Variants in ZC3H18 observed in about 807,000 individuals in gnomAD.
ZC3H18 encodes the protein zinc finger CCCH domain-containing protein 18.
In ZC3H18, 8 loss-of-function variants were observed where a neutral mutation model predicts 106.1. The observed-to-expected ratio is 0.08, with a 90% CI of 0.04 to 0.14. The LOEUF (loss-of-function observed/expected upper bound fraction) is 0.14. Among genes scored for constraint, ZC3H18 ranks in the 10% least tolerant of loss-of-function variants. ZC3H18 has a pLI of 1.00. For missense variants in ZC3H18, 1,318 were observed against 1,278.4 expected (o/e 1.03, Z -0.47); for synonymous variants, 635 against 522.1 (o/e 1.22, Z -2.95).
At chr16:88,578,462 T>TCA (rs1336543054) in intron 2 of ZC3H18, among the ~76,000 whole-genome samples, 3 of 152,020 alleles carry the variant, frequency 2.0e-5, no homozygotes, top group Non-Finnish European at 4.4e-5. Context: ...TCCTGAGTGA[T>TCA]ACTTGCCGGA....
intron 8 of ZC3H18, among the ~76,000 whole-genome samples, chr16:88,614,088 TC>T (rs1905430241): frequency 6.6e-6 from 1 of 152,246 alleles, no homozygotes; most frequent in South Asian, 2.1e-4. Context: ...CTGCAGGACT[TC>T]CCAGTCAGGA....
intron 6 of ZC3H18, among the ~76,000 whole-genome samples, chr16:88,607,274 T>C (rs1301544138): frequency 6.6e-6 from 1 of 152,230 alleles, no homozygotes; most frequent in African/African-American, 2.4e-5. Flanking sequence ...CTGGCTTAAT[T>C]ATACAGGCTT....
At chr16:88,630,765 CACACA>C (rs1567602567) in intron 17 of ZC3H18, among the ~76,000 whole-genome samples, 184 bp downstream of exon 17, 15 of 102,158 alleles carry the variant, frequency 1.5e-4, no homozygotes, top group African/African-American at 4.5e-4. Context: ...CACCCCCCCC[CACACA>C]CACACACACG....
intron 2 of ZC3H18, among the ~76,000 whole-genome samples, chr16:88,580,188 GTGTGTGTGTGTGTGTGTGTGTATA>G (rs988915426): frequency 1.3e-5 from 1 of 77,880 alleles, no homozygotes; most frequent in African/African-American, 3.9e-5. Context: ...GTGTGTGTGT[GTGTGTGTGTGTGTGTGTGTGTATA>G]TGTATATGTC....
chr16:88,627,663 C>T lies in ZC3H18; in HGVS notation c.2150C>T (p.Thr717Met), dbSNP rs1045829393. 2.5e-6 allele frequency: 4 copies of T among 1,612,646 alleles called. No individual in the cohort carries two copies. Among genetic ancestry groups the T allele is most frequent in the African/African-American group, 1.3e-5 (1 of 75,018 alleles). The change falls in exon 14 of 18, where the codon ACG becomes ATG. Residue 717 changes from threonine (T) to methionine (M), a missense_variant. Physicochemically the swap from Thr to Met is moderately conservative, Grantham distance 81. This residue lies in a region of ZC3H18 where 848 missense variants were observed against 821.7 expected (regional missense o/e 1.03). Transcript: ENST00000301011. The surrounding 1 kb of genome is among the most constrained non-coding windows in gnomAD (Gnocchi z 4.5). ...VSSVSSVSSATSSSSSAHSVD... is the reference protein window; with the variant it reads ...VSSVSSVSSAMSSSSSAHSVD... ...AGCGTCTCCTCAGTGTCCAGTGCTA[C>T]GTCGAGCAGCAGCTCTGCACACAGC...
chr16:88,615,149 C>T (rs1230626302), intron 8 of ZC3H18, among the ~76,000 whole-genome samples: 1 of 148,700 alleles, frequency 6.7e-6, no homozygotes, highest in Admixed American at 6.7e-5. Context: ...GGGCTGCCCC[C>T]ACCTCCTCCA....
chr16:88,617,552 C>T (rs1735107730), intron 8 of ZC3H18, among the ~76,000 whole-genome samples: 1 of 152,232 alleles, frequency 6.6e-6, no homozygotes, highest in South Asian at 2.1e-4. Context: ...GAAATGTAAA[C>T]ACTGATTGGG....
intron 1 of ZC3H18, among the ~76,000 whole-genome samples, chr16:88,574,278 C>G (rs953842637): frequency 2.6e-5 from 4 of 151,436 alleles, no homozygotes; most frequent in African/African-American, 7.3e-5. Context: ...GGTGTGATCT[C>G]GGCTCACTGC....
intron 17 of ZC3H18, among the ~76,000 whole-genome samples, chr16:88,630,885 C>A (rs894087076): frequency 1.3e-5 from 2 of 152,186 alleles, no homozygotes; most frequent in Non-Finnish European, 2.9e-5. Context: ...TTGTGCGGGG[C>A]CAGCCCAGGA....
intron 9 of ZC3H18, chr16:88,622,596 A>G: frequency 1.7e-6 from 1 of 573,748 alleles, no homozygotes; most frequent in Admixed American, 3.4e-5. Context: ...AGTGACCCCA[A>G]ATGGGGCACA....
At chr16:88,590,621 G>A (rs968532765) in intron 3 of ZC3H18, among the ~76,000 whole-genome samples, 3 of 144,212 alleles carry the variant, frequency 2.1e-5, no homozygotes, top group Non-Finnish European at 4.5e-5. Flanking sequence ...GGAGTGCAAT[G>A]GTGAGATCTC....
chr16:88,623,473 G>A (rs778436145), intron 10 of ZC3H18, 129 bp downstream of exon 10: 62 of 1,298,302 alleles, frequency 4.8e-5, no homozygotes, highest in Non-Finnish European at 5.7e-5. Context: ...GCTGAACTAG[G>A]ATGGCCAGGG....
At chr16:88,596,619 C>T (rs1904452383) in intron 3 of ZC3H18, among the ~76,000 whole-genome samples, 1 of 152,074 alleles carries the variant, frequency 6.6e-6, no homozygotes, top group Non-Finnish European at 1.5e-5. Flanking sequence ...CAGCCTGGGA[C>T]TGTCTCACTC....
At chr16:88,621,651 C>T (rs1366405471) in intron 8 of ZC3H18, among the ~76,000 whole-genome samples, 1 of 152,128 alleles carries the variant, frequency 6.6e-6, no homozygotes, top group African/African-American at 2.4e-5. Flanking sequence ...CCATCGCGCC[C>T]AGCCTAATTT....
intron 7 of ZC3H18, among the ~76,000 whole-genome samples, chr16:88,610,314 G>A (rs1905212619): frequency 6.6e-6 from 1 of 152,186 alleles, no homozygotes; most frequent in South Asian, 2.1e-4. Context: ...AGGACCAGGT[G>A]CGGCTGTCTC....
chr16:88,589,233 A>T (rs1915606408), intron 3 of ZC3H18, among the ~76,000 whole-genome samples: 1 of 152,232 alleles, frequency 6.6e-6, no homozygotes, highest in African/African-American at 2.4e-5. Flanking sequence ...GAGAGGGTAA[A>T]ACGGTGCAGC....
In ZC3H18 at chr16:88,625,386, G is replaced by A. The variant is rs575925057; in HGVS notation, c.2108+119G>A. ...GGTGGGCTGGGGCCCTTCTGGATCT[G>A]AGTCACCCTGGGGCTGTGGAAGGCT... is the stretch of plus-strand genomic sequence containing the variant. On this transcript the variant is annotated intron_variant, in intron 13 of 17. Transcript: ENST00000301011. 3 of 1,281,554 alleles carry A rather than the reference G, an allele frequency of 2.3e-6. No homozygotes were observed. In the South Asian group the frequency reaches 3.9e-5, roughly 17 times the overall value. The allele number at this position is 1,281,554 out of a possible 1,614,324, so 79.4% of individuals were successfully genotyped here.
At chr16:88,620,538 C>T (rs1365432363) in intron 8 of ZC3H18, among the ~76,000 whole-genome samples, 1 of 150,722 alleles carries the variant, frequency 6.6e-6, no homozygotes, top group African/African-American at 2.4e-5. Context: ...TATGCCACCA[C>T]ACTCCAGCCC....
rs374471591 is a variant in ZC3H18 at position 88,585,240 on chromosome 16, A to T, written c.604-1360A>T. Among the ~76,000 whole-genome samples, 11 of 152,340 alleles carry T rather than the reference A, an allele frequency of 7.2e-5. No individual in the cohort carries two copies. The East Asian group carries it at 1.5e-3, about 21-fold the overall frequency. ...CTCTCAGGAATCTGTTCTTTTCCTT[A>T]TAAAATACTTTTTAATAACCAGATA... On this transcript the variant is annotated intron_variant, in intron 2 of 17. Coordinates refer to ENST00000301011, the MANE Select transcript of ZC3H18 (RefSeq NM_144604.4).
Sources: gnomAD v4.1 joint callset for allele counts (sites outside exome capture counted in the v4.1 genomes callset) on GRCh38, gnomAD v4.1.1 for gene constraint, gnomAD v4.1.1 regional missense constraint, Gnocchi (gnomAD v3.1) non-coding constraint, MANE v1.5 for transcripts, NCBI Gene and HGNC (gene_info 2026-07-23, HGNC 2026-07-21) for gene names.